The following TSPAN15 variants were observed in gnomAD, a reference collection of about 807,000 sequenced individuals.
TSPAN15 encodes tetraspanin 15.
A neutral mutation model predicts 34.5 loss-of-function variants in TSPAN15; 20 were observed. The ratio of observed to expected loss-of-function variants is 0.58; its 90% CI spans 0.41 to 0.84. The LOEUF is 0.84. TSPAN15 is among the 40% of genes least tolerant of loss of function. The probability of loss-of-function intolerance (pLI) is 0.00; values close to 1 mark genes in which losing one functional copy is unlikely to be tolerated. For synonymous variants in TSPAN15, 155 were observed against 153.9 expected, an observed-to-expected ratio of 1.01 and a Z score of -0.05; for missense variants, 313 against 386.1, an observed-to-expected ratio of 0.81 and a Z score of 1.59.
intron 1 of TSPAN15, among the ~76,000 whole-genome samples, chr10:69,471,283 C>T (rs1457280084): frequency 1.3e-5 from 2 of 151,654 alleles, no homozygotes; most frequent in African/African-American, 4.8e-5. Context: ...GTATCTAGAA[C>T]CACTTTCATA....
the TSPAN15 span, among the ~76,000 whole-genome samples, chr10:69,535,189 A>G: frequency 4.6e-5 from 7 of 152,268 alleles, no homozygotes; most frequent in African/African-American, 1.4e-4. Flanking sequence ...ACCCTTTCCT[A>G]TGAAAAATAA....
intron 3 of TSPAN15, among the ~76,000 whole-genome samples, chr10:69,494,373 T>G (rs1053990460): frequency 2.6e-5 from 4 of 152,188 alleles, no homozygotes; most frequent in South Asian, 2.1e-4. Flanking sequence ...GTGCCTGGTG[T>G]CCTGCTAAAC....
chr10:69,486,798 G>T (rs1378612568), intron 3 of TSPAN15, among the ~76,000 whole-genome samples: 1 of 152,244 alleles, frequency 6.6e-6, no homozygotes, highest in Non-Finnish European at 1.5e-5. Flanking sequence ...CCTAACCACA[G>T]GCAAGTCTAC....
At chr10:69,492,220 A>G (rs748731434) in intron 3 of TSPAN15, among the ~76,000 whole-genome samples, 7 of 151,966 alleles carry the variant, frequency 4.6e-5, no homozygotes, top group Non-Finnish European at 8.8e-5. Flanking sequence ...GGAAGCTAGA[A>G]TTCTCTCTTC....
At chr10:69,504,731 C>G (rs1438000809) in intron 6 of TSPAN15, among the ~76,000 whole-genome samples, 1 of 152,200 alleles carries the variant, frequency 6.6e-6, no homozygotes, top group African/African-American at 2.4e-5. Context: ...GTGGGCTGTT[C>G]CACATGAAGC....
At chr10:69,514,512 T>C in the TSPAN15 span, among the ~76,000 whole-genome samples, 1 of 152,364 alleles carries the variant, frequency 6.6e-6, no homozygotes, top group Admixed American at 6.5e-5. Context: ...TTTTAAACTA[T>C]AAATCTAATT....
intron 1 of TSPAN15, among the ~76,000 whole-genome samples, chr10:69,458,345 G>C (rs1312078434): frequency 6.6e-6 from 1 of 152,212 alleles, no homozygotes; most frequent in Admixed American, 6.5e-5. Context: ...ATTTGGGAAA[G>C]TACAACGAAA....
At chr10:69,491,640 G>A (rs552738653) in intron 3 of TSPAN15, among the ~76,000 whole-genome samples, 26 of 152,220 alleles carry the variant, frequency 1.7e-4, no homozygotes, top group Admixed American at 9.8e-4. Flanking sequence ...TGGGATTATA[G>A]GCAGGGACCA....
At chr10:69,536,490 T>A in the TSPAN15 span, among the ~76,000 whole-genome samples, 1 of 152,212 alleles carries the variant, frequency 6.6e-6, no homozygotes, top group African/African-American at 2.4e-5. Flanking sequence ...CTGCTAGGGC[T>A]GCCATTACAA....
chr10:69,456,670 A>G (rs1841117457), intron 1 of TSPAN15, among the ~76,000 whole-genome samples: 1 of 152,126 alleles, frequency 6.6e-6, no homozygotes, highest in Non-Finnish European at 1.5e-5. Flanking sequence ...CCTGACGCCT[A>G]CCCTCTCTGT....
chr10:69,539,180 A>G, the TSPAN15 span, among the ~76,000 whole-genome samples: 2 of 152,064 alleles, frequency 1.3e-5, no homozygotes, highest in Non-Finnish European at 2.9e-5. Context: ...GTTCTCATGT[A>G]TAGGTGGGAG....
At position 69,495,646 on chromosome 10, in the gene TSPAN15, A is replaced by G. The variant is rs767403143; in HGVS notation, c.410A>G (p.Asp137Gly). 9.9e-6 allele frequency: 16 copies of G among 1,614,068 alleles called. No individual in the cohort carries two copies. The highest frequency in any genetic ancestry group is 5.1e-6 in the Non-Finnish European group (6 of 1,180,016). The change falls in exon 4 of 8, where the codon GAT becomes GGT. Residue 137 changes from aspartate (D) to glycine (G), a missense_variant. Transcript: ENST00000373290. ...NIRRGIENYYDDLDFKNIMDF... is the reference protein window; with the variant it reads ...NIRRGIENYYGDLDFKNIMDF... ...CGAAGAGGAATTGAGAACTACTATG[A>G]TGATCTGGACTTCAAAAACATCATG...
Position 69,485,153 on chromosome 10 carries a change from C to T in TSPAN15, c.295C>T (p.Leu99Phe). 1 of 1,614,188 alleles carries T rather than the reference C, an allele frequency of 6.2e-7. No individual in the cohort carries two copies. Among genetic ancestry groups the T allele is most frequent in the Non-Finnish European group, 8.5e-7 (1 of 1,180,016 alleles). The change falls in exon 3 of 8, where the codon CTT (leucine) becomes TTT (phenylalanine). Residue 99 changes from leucine to phenylalanine, a missense_variant. Leu to Phe is a conservative substitution (Grantham distance 22). Transcript: ENST00000373290. ...LYLLQAFMYI[L>F]GICLIMELIG... ...TTCTGTTTTCCAGTTCATGTACATCCTTGGGATCTGCCTCATCATGGAGCT... is the reference window on the plus strand; with the variant it reads ...TTCTGTTTTCCAGTTCATGTACATCTTTGGGATCTGCCTCATCATGGAGCT...
intron 3 of TSPAN15, among the ~76,000 whole-genome samples, chr10:69,492,105 T>C (rs754537518): frequency 1.3e-4 from 20 of 152,188 alleles, no homozygotes; most frequent in Non-Finnish European, 4.4e-5. Flanking sequence ...TTTAGCCTGG[T>C]TTTCTAGTCC....
the TSPAN15 span, among the ~76,000 whole-genome samples, chr10:69,547,160 C>T: frequency 6.6e-6 from 1 of 151,972 alleles, no homozygotes; most frequent in Non-Finnish European, 1.5e-5. Context: ...TGAGATGGCG[C>T]CACTGCACTC....
At chr10:69,501,814 A>G (rs529418006) in intron 5 of TSPAN15, among the ~76,000 whole-genome samples, 88 of 152,268 alleles carry the variant, frequency 5.8e-4, no homozygotes, top group African/African-American at 2.0e-3. Flanking sequence ...CACCTGAGCT[A>G]CACCTCCTGT....
chr10:69,506,384 A>AT lies in TSPAN15; in HGVS notation c.735+144_735+145insT. On this transcript the variant is annotated intron_variant, in intron 7 of 7. Coordinates refer to ENST00000373290, the MANE Select transcript of TSPAN15 (RefSeq NM_012339.5). This position sits in a 1 kb window ranked among gnomAD's most constrained non-coding sequence, Gnocchi z 4.7. ...GGCTGCATGGCTGGAAGGAGGGGCA[A>AT]ATGGCAATAGCAGTCGTGGCGAAGC... 1 of 726,280 alleles carries AT rather than the reference A, an allele frequency of 1.4e-6. No individual in the cohort carries two copies. The highest frequency in any genetic ancestry group is 2.3e-6 in the Non-Finnish European group (1 of 433,820). The allele number at this position is 726,280 out of a possible 1,614,324, so 45.0% of individuals were successfully genotyped here. A position where few individuals can be genotyped will look rare whatever the true frequency, so the allele number is the denominator to read the frequency against.
At chr10:69,475,202 G>A (rs541970641) in intron 1 of TSPAN15, among the ~76,000 whole-genome samples, 2 of 152,120 alleles carry the variant, frequency 1.3e-5, no homozygotes, top group African/African-American at 4.8e-5. Flanking sequence ...GTGGTTCTCC[G>A]ATTAACCATG....
At chr10:69,501,901 C>T (rs1440718713) in intron 5 of TSPAN15, among the ~76,000 whole-genome samples, 1 of 152,136 alleles carries the variant, frequency 6.6e-6, no homozygotes, top group African/African-American at 2.4e-5. Flanking sequence ...ACCTAGGGTG[C>T]ATGCTCCTTA....
Sources: allele counts gnomAD v4.1 joint callset (sites outside exome capture counted in the v4.1 genomes callset), GRCh38; gene constraint gnomAD v4.1.1; non-coding constraint Gnocchi (gnomAD v3.1); transcripts MANE v1.5; gene names NCBI Gene and HGNC (gene_info 2026-07-23, HGNC 2026-07-21).